FHIT: variants seen among roughly 807,000 people sequenced by gnomAD.
The protein encoded by FHIT is fragile histidine triad diadenosine triphosphatase, also known as bis(5'-adenosyl)-triphosphatase.
FHIT carries 19 observed loss-of-function variants against 17.9 expected under a neutral mutation model. That is an observed-to-expected ratio of 1.06 (90% CI 0.74 to 1.56). The LOEUF is 1.56. FHIT is among the 40% of genes most tolerant of loss of function. FHIT has a pLI of 0.00. For synonymous variants in FHIT, 81 were observed against 69.7 expected (o/e 1.16, Z -0.81); for missense variants, 248 against 189.2 (o/e 1.31, Z -1.82).
At chr3:59,844,705 C>T (rs566557311) in intron 8 of FHIT, among the ~76,000 whole-genome samples, 8 of 152,116 alleles carry the variant, frequency 5.3e-5, no homozygotes, top group African/African-American at 1.4e-4. Flanking sequence ...TTTAATATAC[C>T]GGTGAGTTTG....
chr3:60,744,812 T>A (rs1553714920), intron 4 of FHIT, among the ~76,000 whole-genome samples: 1 of 152,220 alleles, frequency 6.6e-6, no homozygotes, highest in Non-Finnish European at 1.5e-5. Flanking sequence ...GTAAGGCCCA[T>A]CTTCTGATTA....
At chr3:61,068,301 A>G (rs532152983) in intron 2 of FHIT, among the ~76,000 whole-genome samples, 1 of 152,300 alleles carries the variant, frequency 6.6e-6, no homozygotes, top group East Asian at 1.9e-4. Flanking sequence ...GGCAGAATGC[A>G]GTTCTGAAGT....
intron 5 of FHIT, among the ~76,000 whole-genome samples, chr3:60,364,421 G>C (rs1700028215): frequency 6.6e-6 from 1 of 152,212 alleles, no homozygotes; most frequent in Non-Finnish European, 1.5e-5. Flanking sequence ...CTACAACTTA[G>C]ACAATACATT....
intron 5 of FHIT, among the ~76,000 whole-genome samples, chr3:60,038,118 ATAGAT>A (rs1464941176): frequency 1.3e-5 from 2 of 152,118 alleles, no homozygotes; most frequent in African/African-American, 4.8e-5. Context: ...TTAATAGCTG[ATAGAT>A]TAGTAGGTTT....
intron 5 of FHIT, among the ~76,000 whole-genome samples, chr3:60,535,139 G>A (rs1276568883): frequency 3.9e-5 from 6 of 152,102 alleles, no homozygotes; most frequent in Non-Finnish European, 8.8e-5. Flanking sequence ...CACAAGAATC[G>A]GTTGAACCCG....
intron 5 of FHIT, among the ~76,000 whole-genome samples, chr3:60,522,553 G>A (rs1297373945): frequency 6.6e-6 from 1 of 152,200 alleles, no homozygotes; most frequent in African/African-American, 2.4e-5. Context: ...AAGGAAACCT[G>A]AGAGCTCACT....
intron 8 of FHIT, among the ~76,000 whole-genome samples, chr3:59,796,851 C>G (rs1699797300): frequency 6.6e-6 from 1 of 152,180 alleles, no homozygotes; most frequent in South Asian, 2.1e-4. Flanking sequence ...TATTTGCTAT[C>G]TGTGCCAAAA....
At chr3:60,390,322 G>A (rs1436123607) in intron 5 of FHIT, among the ~76,000 whole-genome samples, 1 of 140,888 alleles carries the variant, frequency 7.1e-6, no homozygotes, top group Non-Finnish European at 1.5e-5. Context: ...TCTAACAATA[G>A]TCATGTACTG....
chr3:59,858,646 G>A (rs1234741465), intron 8 of FHIT, among the ~76,000 whole-genome samples: 1 of 152,078 alleles, frequency 6.6e-6, no homozygotes, highest in East Asian at 1.9e-4. Context: ...GGCAACGTGG[G>A]GAGAGGGGTG....
chr3:61,198,273 T>C (rs1198589778), intron 2 of FHIT, among the ~76,000 whole-genome samples: 3 of 152,044 alleles, frequency 2.0e-5, no homozygotes, highest in African/African-American at 7.2e-5. Context: ...AAGACAGACA[T>C]GGAGGCAACA....
chr3:60,453,870 G>C (rs2031912090), intron 5 of FHIT, among the ~76,000 whole-genome samples: 1 of 152,128 alleles, frequency 6.6e-6, no homozygotes, highest in Non-Finnish European at 1.5e-5. Context: ...CTGAGGAAAA[G>C]CAATAAATCT....
chr3:59,750,622 T>TATGAC (rs1187467039), intron 9 of FHIT: 2 of 223,466 alleles, frequency 8.9e-6, no homozygotes, highest in East Asian at 1.3e-4. Context: ...CTGACAAACT[T>TATGAC]ATGACATGGG....
intron 4 of FHIT, among the ~76,000 whole-genome samples, chr3:60,678,821 T>C (rs975349197): frequency 2.0e-5 from 3 of 152,144 alleles, no homozygotes; most frequent in Admixed American, 1.3e-4. Flanking sequence ...TAGCTCTTTC[T>C]TTCTAAGAAC....
At chr3:60,680,441 T>A (rs1308528075) in intron 4 of FHIT, among the ~76,000 whole-genome samples, 1 of 152,170 alleles carries the variant, frequency 6.6e-6, no homozygotes, top group Non-Finnish European at 1.5e-5. Context: ...TTATATTTCA[T>A]ATTAATTTTC....
At chr3:60,568,976 T>TTC (rs559172257) in intron 4 of FHIT, among the ~76,000 whole-genome samples, 9 of 51,164 alleles carry the variant, frequency 1.8e-4, no homozygotes, top group Non-Finnish European at 3.1e-4. Flanking sequence ...ATGCTAGAGA[T>TTC]TCTTTTTTTT....
intron 4 of FHIT, among the ~76,000 whole-genome samples, chr3:60,675,699 G>A (rs936533815): frequency 1.1e-4 from 16 of 152,098 alleles, no homozygotes; most frequent in African/African-American, 3.4e-4. Context: ...TCTGACCTCA[G>A]CCTACCAACA....
At chr3:60,938,479 A>C (rs1708284403) in intron 3 of FHIT, among the ~76,000 whole-genome samples, 5 of 152,222 alleles carry the variant, frequency 3.3e-5, no homozygotes, top group Admixed American at 2.6e-4. Flanking sequence ...ATGTCAAAGT[A>C]GTAGTCTACG....
At chr3:61,181,235 T>C (rs1000361548) in intron 2 of FHIT, among the ~76,000 whole-genome samples, 26 of 152,130 alleles carry the variant, frequency 1.7e-4, no homozygotes, top group African/African-American at 5.8e-4. Flanking sequence ...ATAATGGCAA[T>C]AATAGTAACA....
At chr3:60,145,673 C>A (rs1427283972) in intron 5 of FHIT, among the ~76,000 whole-genome samples, 1 of 152,164 alleles carries the variant, frequency 6.6e-6, no homozygotes, top group African/African-American at 2.4e-5. Context: ...CAGTTTGACT[C>A]AACTGACTAT....
Sources: allele counts gnomAD v4.1 joint callset (sites outside exome capture counted in the v4.1 genomes callset), GRCh38; gene constraint gnomAD v4.1.1; transcripts MANE v1.5; gene names NCBI Gene and HGNC (gene_info 2026-07-23, HGNC 2026-07-21).